FRMPD1: variants seen among roughly 807,000 people sequenced by gnomAD.
FRMPD1 encodes the protein FERM and PDZ domain containing 1, also known as FERM and PDZ domain-containing protein 1.
Under a neutral mutation model 117.8 loss-of-function variants are expected in FRMPD1, and 76 were observed. The observed-to-expected ratio is 0.65, with a 90% CI of 0.54 to 0.78. The LOEUF (loss-of-function observed/expected upper bound fraction) is 0.78. Ranked by LOEUF, FRMPD1 falls within the 30% of genes least tolerant of loss-of-function variation. FRMPD1 has a pLI of 0.00. For synonymous variants in FRMPD1, 783 were observed against 770.4 expected (o/e 1.02, Z -0.27); for missense variants, 1,786 against 1,964.5 (o/e 0.91, Z 1.72).
upstream of FRMPD1, among the ~76,000 whole-genome samples, chr9:37,648,370 CGG>C (rs1304764491): frequency 6.6e-6 from 1 of 151,878 alleles, no homozygotes; most frequent in Non-Finnish European, 1.5e-5. Context: ...TGGCGCCACA[CGG>C]GTAATAGGAT....
At chr9:37,709,239 A>G (rs907356006) in intron 4 of FRMPD1, among the ~76,000 whole-genome samples, 5 of 152,242 alleles carry the variant, frequency 3.3e-5, no homozygotes, top group African/African-American at 1.2e-4. Context: ...ATAAAGACAG[A>G]CGAGAATCAG....
chr9:37,709,760 C>G (rs773586568), intron 4 of FRMPD1, among the ~76,000 whole-genome samples: 1 of 152,036 alleles, frequency 6.6e-6, no homozygotes, highest in African/African-American at 2.4e-5. Context: ...ACAGAAGCAA[C>G]TGGGTGGGAA....
At chr9:37,617,097 T>G in the FRMPD1 span, among the ~76,000 whole-genome samples, 2 of 152,278 alleles carry the variant, frequency 1.3e-5, no homozygotes, top group African/African-American at 4.8e-5. Flanking sequence ...GATTTTGCTC[T>G]TAATCTCTAT....
intron 1 of FRMPD1, 52 bp from the exon 2 acceptor site, chr9:37,692,586 C>T (rs1379941770): frequency 8.7e-7 from 1 of 1,143,720 alleles, no homozygotes; most frequent in Non-Finnish European, 1.3e-6. Context: ...TTATCAAAAT[C>T]CTCTTTAGAG....
At chr9:37,717,441 G>A (rs1166230409) in intron 5 of FRMPD1, among the ~76,000 whole-genome samples, 1 of 148,128 alleles carries the variant, frequency 6.8e-6, no homozygotes, top group Non-Finnish European at 1.5e-5. Context: ...GTACAGTGGT[G>A]CAATCTCGGC....
rs202015898 is a variant in FRMPD1 at position 37,733,710 on chromosome 9, G to GT, written c.1123-11dup. The GT allele has an allele frequency of 3.9e-3, 5,925 of 1,503,654 alleles. 1 individual carries two copies. The highest frequency in any genetic ancestry group is 4.8e-3 in the Non-Finnish European group (5,187 of 1,089,294). 93.1% of individuals were successfully genotyped at this position (1,503,654 alleles called of 1,614,324 possible). A position where few individuals can be genotyped will look rare whatever the true frequency, so the allele number is the denominator to read the frequency against. ...CCAATGAATAACTCTGACTTCAAGT[G>GT]TTTTTTTTTCTCTATTAAGCAACTT... On this transcript the variant is annotated intron_variant, in intron 11 of 15. Coordinates refer to ENST00000377765, the MANE Select transcript of FRMPD1 (RefSeq NM_014907.3).
At chr9:37,636,753 C>T in the FRMPD1 span, 1,075 of 1,600,492 alleles carry the variant, frequency 6.7e-4, 3 homozygotes, top group Middle Eastern at 9.0e-3. Context: ...GGCCGCTCGC[C>T]CCCGGAGGCT....
intron 11 of FRMPD1, 51 bp downstream of exon 11, chr9:37,733,650 A>G: frequency 6.2e-7 from 1 of 1,608,428 alleles, no homozygotes; most frequent in African/African-American, 1.3e-5. Context: ...GTGAAACCTT[A>G]GGAAAAACAT....
At chr9:37,709,279 T>C (rs1031274572) in intron 4 of FRMPD1, among the ~76,000 whole-genome samples, 2 of 151,832 alleles carry the variant, frequency 1.3e-5, no homozygotes, top group Non-Finnish European at 2.9e-5. Flanking sequence ...TGAAGAGATA[T>C]ATATATATAT....
chr9:37,745,705 G>C lies in FRMPD1; in HGVS notation c.3673G>C (p.Gly1225Arg), dbSNP rs760968786. 2 of 1,614,010 alleles carry C rather than the reference G, an allele frequency of 1.2e-6. No homozygotes were observed. The highest frequency in any genetic ancestry group is 1.7e-6 in the Non-Finnish European group (2 of 1,180,004). Reference sequence around the variant, plus strand: ...AGTTTCACCAGCCGTCCCTCCAGAGGGGATCAAGGCAGAGGCACCTAACCA... The same window carrying C: ...AGTTTCACCAGCCGTCCCTCCAGAGCGGATCAAGGCAGAGGCACCTAACCA... Reference protein sequence around the residue: ...QTVSPAVPPEGIKAEAPNHVT... With the variant: ...QTVSPAVPPERIKAEAPNHVT... Residue 1225 changes from glycine (G) to arginine (R), a missense_variant, in exon 16 of 16, where the codon GGG (glycine) becomes CGG (arginine). Coordinates refer to ENST00000377765, the MANE Select transcript of FRMPD1 (RefSeq NM_014907.3).
At chr9:37,657,832 C>T (rs2119373687) in intron 1 of FRMPD1, among the ~76,000 whole-genome samples, 1 of 152,088 alleles carries the variant, frequency 6.6e-6, no homozygotes, top group South Asian at 2.1e-4. Flanking sequence ...CAAGTACAGC[C>T]TTTGTGTGGT....
At position 37,746,699 on chromosome 9, in the gene FRMPD1, G is replaced by C. The variant is rs202028346; in HGVS notation, c.4667G>C (p.Arg1556Pro). 1.2e-6 allele frequency: 2 copies of C among 1,614,064 alleles called. No individual in the cohort carries two copies. Among genetic ancestry groups the C allele is most frequent in the South Asian group, 1.1e-5 (1 of 91,084 alleles). The stretch of plus-strand genomic sequence containing the variant: ...GACCTGAGTGTGAAACTCCTGGCCC[G>C]TCAGTGCACGGCCCTCACGGCCGCC... ...YHDLSVKLLA[R>P]QCTALTAAVF... Residue 1556 changes from arginine (R) to proline (P), a missense_variant, in exon 16 of 16, where the codon CGT (arginine) becomes CCT (proline). Coordinates refer to ENST00000377765, the MANE Select transcript of FRMPD1 (RefSeq NM_014907.3).
the FRMPD1 span, among the ~76,000 whole-genome samples, chr9:37,631,767 C>A: frequency 1.3e-5 from 2 of 152,128 alleles, no homozygotes. Flanking sequence ...CCACACCCAA[C>A]TAATATTTAA....
chr9:37,724,386 C>A, intron 7 of FRMPD1, 66 bp downstream of exon 7: 1 of 825,942 alleles, frequency 1.2e-6, no homozygotes, highest in Non-Finnish European at 2.1e-6. Context: ...ACCCCCCAGG[C>A]ATCTTGCCCT....
the FRMPD1 span, among the ~76,000 whole-genome samples, chr9:37,614,648 G>A: frequency 6.6e-6 from 1 of 152,180 alleles, no homozygotes; most frequent in Admixed American, 6.5e-5. Context: ...AGCAGTCAAG[G>A]GTGTCTAGGC....
the FRMPD1 span, among the ~76,000 whole-genome samples, chr9:37,630,834 T>C: frequency 2.0e-5 from 3 of 152,194 alleles, no homozygotes; most frequent in African/African-American, 7.2e-5. Flanking sequence ...ATGATTTTGG[T>C]GTCCCCTGTT....
chr9:37,609,945 G>A, the FRMPD1 span, among the ~76,000 whole-genome samples: 7 of 152,176 alleles, frequency 4.6e-5, no homozygotes, highest in Admixed American at 4.6e-4. Flanking sequence ...AGGCTTTGGA[G>A]CTGCCTCTCT....
At chr9:37,716,549 G>A (rs1427655197) in intron 5 of FRMPD1, among the ~76,000 whole-genome samples, 1 of 152,146 alleles carries the variant, frequency 6.6e-6, no homozygotes, top group African/African-American at 2.4e-5. Flanking sequence ...ATCCAGCTCT[G>A]GGCCTAATTC....
intron 7 of FRMPD1, chr9:37,727,833 G>A (rs112740583): frequency 2.0e-5 from 3 of 152,014 alleles, no homozygotes; most frequent in Non-Finnish European, 2.9e-5. Context: ...AGAGGGCTCC[G>A]AATCAGGAGT....
Sources: gnomAD v4.1 joint callset for allele counts (sites outside exome capture counted in the v4.1 genomes callset) on GRCh38, gnomAD v4.1.1 for gene constraint, MANE v1.5 for transcripts, NCBI Gene and HGNC (gene_info 2026-07-23, HGNC 2026-07-21) for gene names.